The following LDLRAD4 variants were observed in gnomAD, a reference collection of about 807,000 sequenced individuals.
LDLRAD4 encodes low-density lipoprotein receptor class A domain-containing protein 4.
LDLRAD4 carries 5 observed loss-of-function variants against 17.0 expected under a neutral mutation model. That is an observed-to-expected ratio of 0.29 (90% CI 0.15 to 0.62). The LOEUF is 0.62. Among genes scored for constraint, LDLRAD4 ranks in the 20% least tolerant of loss-of-function variants. The pLI is 0.84. For synonymous variants in LDLRAD4, 168 were observed against 171.8 expected (o/e 0.98, Z 0.17); for missense variants, 340 against 424.7 (o/e 0.80, Z 1.75).
At chr18:13,405,922 C>CA (rs1173876998) in intron 2 of LDLRAD4, among the ~76,000 whole-genome samples, 1 of 152,210 alleles carries the variant, frequency 6.6e-6, no homozygotes, top group Non-Finnish European at 1.5e-5. Flanking sequence ...CTAGAGCAGG[C>CA]AGCTTATCTT....
intron 4 of LDLRAD4, chr18:13,642,240 G>T: frequency 1.0e-6 from 1 of 986,670 alleles, no homozygotes. Flanking sequence ...GCTGGCGCCG[G>T]GGCCGTCGGA....
chr18:13,606,047 C>T (rs758576690), intron 3 of LDLRAD4, among the ~76,000 whole-genome samples: 4 of 152,136 alleles, frequency 2.6e-5, no homozygotes, highest in South Asian at 4.1e-4. Flanking sequence ...GGGTTGGATG[C>T]GTTATTTCAT....
intron 3 of LDLRAD4, among the ~76,000 whole-genome samples, chr18:13,566,400 G>A (rs2094602692): frequency 6.9e-6 from 1 of 144,178 alleles, no homozygotes; most frequent in Admixed American, 7.1e-5. Flanking sequence ...GTCTCGCTCT[G>A]TTGCCAGGCT....
upstream of LDLRAD4, among the ~76,000 whole-genome samples, chr18:13,273,779 T>A (rs935981046): frequency 1.3e-5 from 2 of 152,218 alleles, no homozygotes; most frequent in African/African-American, 4.8e-5. Context: ...CCTGCTTCCC[T>A]TCAGGGTTTT....
intron 3 of LDLRAD4, among the ~76,000 whole-genome samples, chr18:13,553,720 G>A (rs924257327): frequency 2.6e-5 from 4 of 152,066 alleles, no homozygotes; most frequent in Non-Finnish European, 5.9e-5. Flanking sequence ...GCTGATAACC[G>A]CGTCTGTCCT....
At chr18:13,599,552 G>A (rs1240458552) in intron 3 of LDLRAD4, among the ~76,000 whole-genome samples, 4 of 142,614 alleles carry the variant, frequency 2.8e-5, no homozygotes, top group South Asian at 2.2e-4. Context: ...GTGTAGTGGC[G>A]TGATCACGGC....
At chr18:13,416,692 G>A (rs1214462720) in intron 2 of LDLRAD4, among the ~76,000 whole-genome samples, 1 of 152,014 alleles carries the variant, frequency 6.6e-6, no homozygotes, top group African/African-American at 2.4e-5. Context: ...AATTTTCTTT[G>A]CTATTTGCAA....
At chr18:13,238,932 A>G (rs572265559) in intron 1 of LDLRAD4, among the ~76,000 whole-genome samples, 6 of 152,216 alleles carry the variant, frequency 3.9e-5, no homozygotes, top group Non-Finnish European at 7.4e-5. Context: ...CATGTCTGCA[A>G]TCCCAGCACT....
At chr18:13,323,237 T>C (rs891271297) in intron 1 of LDLRAD4, among the ~76,000 whole-genome samples, 8 of 152,262 alleles carry the variant, frequency 5.3e-5, no homozygotes, top group African/African-American at 1.9e-4. Context: ...AGACACAGGA[T>C]CTTGCTTTGT....
chr18:13,502,015 C>T (rs571253449), intron 3 of LDLRAD4, among the ~76,000 whole-genome samples: 48 of 152,306 alleles, frequency 3.2e-4, no homozygotes, highest in African/African-American at 1.1e-3. Flanking sequence ...GGGTAGGTGC[C>T]GTAGGCAAAT....
At chr18:13,488,599 G>T (rs1386501339) in intron 3 of LDLRAD4, 1 of 152,252 alleles carries the variant, frequency 6.6e-6, no homozygotes, top group African/African-American at 2.4e-5. Context: ...TTGCCTCCAG[G>T]CGTTTTTAGT....
chr18:13,236,256 C>A (rs1289177276), intron 1 of LDLRAD4, among the ~76,000 whole-genome samples: 1 of 150,756 alleles, frequency 6.6e-6, no homozygotes, highest in Non-Finnish European at 1.5e-5. Context: ...AGCACTGTTC[C>A]ATCTTTTCCC....
chr18:13,521,006 A>G (rs1444940693), intron 3 of LDLRAD4: 2 of 152,224 alleles, frequency 1.3e-5, no homozygotes, highest in African/African-American at 4.8e-5. Flanking sequence ...AAGACTCGCC[A>G]TTGGAGGTAG....
At chr18:13,421,601 A>G (rs1008711560) in intron 2 of LDLRAD4, among the ~76,000 whole-genome samples, 1 of 151,972 alleles carries the variant, frequency 6.6e-6, no homozygotes, top group Non-Finnish European at 1.5e-5. Flanking sequence ...CGAGAATAGA[A>G]GCTTCTGGCC....
chr18:13,433,834 A>T (rs1484159624), intron 2 of LDLRAD4, among the ~76,000 whole-genome samples: 4 of 152,152 alleles, frequency 2.6e-5, no homozygotes, highest in Non-Finnish European at 4.4e-5. Context: ...TCTCTGAATC[A>T]TTCTTTTCCT....
chr18:13,322,290 C>CTTTTTTTTTTTTT (rs370707500), intron 1 of LDLRAD4, among the ~76,000 whole-genome samples: 20 of 109,738 alleles, frequency 1.8e-4, no homozygotes, highest in East Asian at 5.8e-4. Context: ...ACTTTTCTCA[C>CTTTTTTTTTTTTT]TTTTTTTTTT....
At chr18:13,643,301 C>A in intron 4 of LDLRAD4, 58 bp from the exon 6 acceptor site, 1 of 1,108,492 alleles carries the variant, frequency 9.0e-7, no homozygotes, top group Non-Finnish European at 1.3e-6. Flanking sequence ...TGCGGCGGGG[C>A]TAATGATTTT....
intron 3 of LDLRAD4, chr18:13,461,947 C>T (rs959388345): frequency 5.9e-5 from 9 of 152,322 alleles, no homozygotes; most frequent in South Asian, 2.1e-4. Context: ...AGGGAGTAGC[C>T]TCTGGTCCTT....
At chr18:13,366,709 TGGAG>T (rs1388502635) in intron 1 of LDLRAD4, among the ~76,000 whole-genome samples, 3 of 152,036 alleles carry the variant, frequency 2.0e-5, no homozygotes, top group Admixed American at 6.6e-5. Flanking sequence ...CATTCGGGGG[TGGAG>T]GGTGTTAGCT....
Sources: gnomAD v4.1 joint callset for allele counts (sites outside exome capture counted in the v4.1 genomes callset) on GRCh38, gnomAD v4.1.1 for gene constraint, MANE v1.5 for transcripts, NCBI Gene and HGNC (gene_info 2026-07-23, HGNC 2026-07-21) for gene names.